Variants in SH3RF3 observed in about 807,000 individuals in gnomAD.
SH3RF3 encodes E3 ubiquitin-protein ligase SH3RF3.
A neutral mutation model predicts 66.3 loss-of-function variants in SH3RF3; 29 were observed. The observed-to-expected ratio is 0.44, with a 90% CI of 0.33 to 0.60. The LOEUF is 0.60. Among genes scored for constraint, SH3RF3 ranks in the 20% least tolerant of loss-of-function variants. SH3RF3 has a pLI of 0.04. For synonymous variants in SH3RF3, 583 were observed against 532.0 expected, an observed-to-expected ratio of 1.10 and a Z score of -1.32; for missense variants, 1,194 against 1,190.9, an observed-to-expected ratio of 1.00 and a Z score of -0.04.
intron 1 of SH3RF3, among the ~76,000 whole-genome samples, chr2:109,312,514 A>T (rs936487310): frequency 1.3e-5 from 2 of 152,010 alleles, no homozygotes; most frequent in African/African-American, 4.8e-5. Context: ...CTCTCTACCC[A>T]TCAGCAGCCA....
chr2:109,473,252 G>C (rs1213140799), intron 8 of SH3RF3, among the ~76,000 whole-genome samples: 1 of 152,212 alleles, frequency 6.6e-6, no homozygotes, highest in African/African-American at 2.4e-5. Context: ...CGACGCCTGG[G>C]CACCACTGGG....
chr2:109,142,126 C>T lies in SH3RF3; in HGVS notation c.573+12013C>T, dbSNP rs536504987. ...CTGGGCCCCACCCTGAGTCACCTAC[C>T]GGGTGGGGTCCCTGAGCTCCTGGAG... On this transcript the variant is annotated intron_variant, in intron 1 of 9. Transcript: ENST00000309415. Among the ~76,000 whole-genome samples, 6 of 152,012 alleles carry T rather than the reference C, an allele frequency of 3.9e-5. No homozygotes were observed. In the East Asian group the frequency reaches 5.8e-4, roughly 15 times the overall value.
intron 1 of SH3RF3, among the ~76,000 whole-genome samples, chr2:109,266,349 T>C (rs1680494219): frequency 6.6e-6 from 1 of 151,886 alleles, no homozygotes; most frequent in African/African-American, 2.4e-5. Flanking sequence ...TATGTATGTA[T>C]ACACAGGATC....
intron 2 of SH3RF3, among the ~76,000 whole-genome samples, chr2:109,371,311 AC>A (rs1683265963): frequency 6.6e-6 from 1 of 151,866 alleles, no homozygotes; most frequent in South Asian, 2.1e-4. Context: ...AATCGCTTGA[AC>A]CCCGGAGGCG....
At chr2:109,394,606 C>T (rs1676090431) in intron 3 of SH3RF3, among the ~76,000 whole-genome samples, 1 of 152,208 alleles carries the variant, frequency 6.6e-6, no homozygotes, top group Admixed American at 6.5e-5. Flanking sequence ...AATGTGTTCT[C>T]TTTCCATTAA....
intron 1 of SH3RF3, among the ~76,000 whole-genome samples, chr2:109,142,044 G>C (rs373568978): frequency 4.6e-5 from 2 of 43,052 alleles, no homozygotes; most frequent in Admixed American, 1.8e-4. Flanking sequence ...TGAGTCTCCT[G>C]GGGGGGGGGT....
At chr2:109,339,891 T>A (rs1180125255) in intron 1 of SH3RF3, among the ~76,000 whole-genome samples, 5 of 152,108 alleles carry the variant, frequency 3.3e-5, no homozygotes, top group African/African-American at 1.2e-4. Flanking sequence ...AAACAGATAA[T>A]TATCAGGGCT....
At chr2:109,343,337 A>T (rs1228502957) in intron 1 of SH3RF3, among the ~76,000 whole-genome samples, 2 of 151,752 alleles carry the variant, frequency 1.3e-5, no homozygotes, top group Admixed American at 1.3e-4. Flanking sequence ...TCCTCCAAAT[A>T]AACTGCCTCT....
At chr2:109,220,911 T>C (rs1679218129) in intron 1 of SH3RF3, among the ~76,000 whole-genome samples, 1 of 152,252 alleles carries the variant, frequency 6.6e-6, no homozygotes, top group African/African-American at 2.4e-5. Context: ...AGCAGTTCTA[T>C]TCCTAGGCTT....
intron 1 of SH3RF3, among the ~76,000 whole-genome samples, chr2:109,315,715 C>G (rs17035411): frequency 6.6e-6 from 1 of 152,070 alleles, no homozygotes; most frequent in Non-Finnish European, 1.5e-5. Flanking sequence ...CCCAGGGTTC[C>G]TCTGGGGCTC....
rs528563737 is a variant in SH3RF3, at chr2:109,419,449, C to G, written c.1300-90C>G. The G allele has an allele frequency of 4.9e-5, 65 of 1,321,878 alleles. No individual in the cohort carries two copies. The African/African-American group carries it at 8.0e-4, about 16-fold the overall frequency. 81.9% of individuals were successfully genotyped at this position (1,321,878 alleles called of 1,614,324 possible). ...AGCCAGGCAGCTGGCGAAGCACAGG[C>G]ACCTGTGGATGCAGCCTCATTTTGC... On this transcript the variant is annotated intron_variant, in intron 4 of 9. Transcript: ENST00000309415.
chr2:109,228,902 C>T (rs996578515), intron 1 of SH3RF3, among the ~76,000 whole-genome samples: 3 of 152,154 alleles, frequency 2.0e-5, no homozygotes, highest in East Asian at 1.9e-4. Flanking sequence ...AATATCCAGC[C>T]CCTCTGCCCT....
chr2:109,489,799 G>T (rs554120768), intron 8 of SH3RF3, among the ~76,000 whole-genome samples: 1 of 152,116 alleles, frequency 6.6e-6, no homozygotes, highest in Non-Finnish European at 1.5e-5. Flanking sequence ...GTGCAGTGGC[G>T]CAATCTCAGC....
intron 1 of SH3RF3, among the ~76,000 whole-genome samples, chr2:109,298,110 A>G (rs1285150982): frequency 6.6e-6 from 1 of 152,088 alleles, no homozygotes; most frequent in South Asian, 2.1e-4. Context: ...TCTCAGGGGG[A>G]TGCAGAGGTG....
intron 1 of SH3RF3, among the ~76,000 whole-genome samples, chr2:109,140,169 G>A (rs1381628297): frequency 6.6e-6 from 1 of 152,166 alleles, no homozygotes; most frequent in Non-Finnish European, 1.5e-5. Context: ...TCTGAAGGCT[G>A]CATTGATGCA....
chr2:109,359,249 T>C (rs150542294), intron 2 of SH3RF3, among the ~76,000 whole-genome samples: 1 of 152,346 alleles, frequency 6.6e-6, no homozygotes, highest in Non-Finnish European at 1.5e-5. Flanking sequence ...TTGTTGGCTC[T>C]TCTAGGTCTC....
At chr2:109,336,467 T>A (rs1363052537) in intron 1 of SH3RF3, among the ~76,000 whole-genome samples, 1 of 152,194 alleles carries the variant, frequency 6.6e-6, no homozygotes, top group Non-Finnish European at 1.5e-5. Context: ...TACAAAGAAA[T>A]GTCCTGGTGT....
chr2:109,407,746 TA>T (rs35836876), intron 4 of SH3RF3, among the ~76,000 whole-genome samples: 86,077 of 151,424 alleles, frequency 0.57, 24,990 homozygotes, highest in African/African-American at 0.67. Flanking sequence ...CTGGGATGAA[TA>T]AAAAAAAAAT....
At chr2:109,497,986 G>T (rs770601640) in intron 9 of SH3RF3, among the ~76,000 whole-genome samples, 1 of 152,178 alleles carries the variant, frequency 6.6e-6, no homozygotes, top group Non-Finnish European at 1.5e-5. Flanking sequence ...GTAGGATGGC[G>T]CTGATCCTGT....
Sources: allele counts gnomAD v4.1 joint callset (sites outside exome capture counted in the v4.1 genomes callset), GRCh38; gene constraint gnomAD v4.1.1; transcripts MANE v1.5; gene names NCBI Gene and HGNC (gene_info 2026-07-23, HGNC 2026-07-21).